THEMIS: variants seen among roughly 807,000 people sequenced by gnomAD.
The protein encoded by THEMIS is thymocyte selection associated, also known as protein THEMIS.
Under a neutral mutation model 52.6 loss-of-function variants are expected in THEMIS, and 37 were observed. The observed-to-expected ratio is 0.70, with a 90% CI of 0.54 to 0.93. The LOEUF is 0.93. Among genes scored for constraint, THEMIS ranks in the 40% least tolerant of loss-of-function variants. The pLI is 0.00. For synonymous variants in THEMIS, 292 were observed against 272.7 expected (o/e 1.07, Z -0.70); for missense variants, 808 against 763.1 (o/e 1.06, Z -0.69).
intron 1 of THEMIS, among the ~76,000 whole-genome samples, chr6:127,882,008 A>C (rs1583391424): frequency 6.6e-6 from 1 of 151,770 alleles, no homozygotes. Flanking sequence ...AAAAAAAAAA[A>C]AAAAATGGTC....
At chr6:127,812,451 C>T (rs1333767) in intron 4 of THEMIS, among the ~76,000 whole-genome samples, 79,307 of 151,944 alleles carry the variant, frequency 0.52, 21,694 homozygotes, top group East Asian at 0.93. Flanking sequence ...GCTATAGATG[C>T]ATGCTACCAG....
intron 1 of THEMIS, among the ~76,000 whole-genome samples, chr6:127,892,262 C>T (rs1780835309): frequency 6.6e-6 from 1 of 152,186 alleles, no homozygotes; most frequent in Non-Finnish European, 1.5e-5. Flanking sequence ...CAGTAGTTTG[C>T]ACTTGTTCTG....
At chr6:127,874,118 T>C (rs1046543813) in intron 1 of THEMIS, among the ~76,000 whole-genome samples, 21 of 152,242 alleles carry the variant, frequency 1.4e-4, no homozygotes, top group Admixed American at 1.4e-3. Context: ...TACACGAGAA[T>C]GAGCTCACTT....
At chr6:127,758,256 T>C (rs984449139) in intron 4 of THEMIS, among the ~76,000 whole-genome samples, 3 of 150,818 alleles carry the variant, frequency 2.0e-5, no homozygotes, top group Admixed American at 6.6e-5. Context: ...AATTGGGTTC[T>C]GAACTTCCTA....
intron 1 of THEMIS, among the ~76,000 whole-genome samples, chr6:127,914,696 G>A (rs55901601): frequency 6.6e-6 from 1 of 152,136 alleles, no homozygotes; most frequent in Non-Finnish European, 1.5e-5. Flanking sequence ...GTAGTCCATC[G>A]TTGACCAAAC....
chr6:127,860,596 G>A (rs1779767058), intron 1 of THEMIS, among the ~76,000 whole-genome samples: 2 of 152,064 alleles, frequency 1.3e-5, no homozygotes, highest in South Asian at 4.1e-4. Context: ...AAATGTTGGT[G>A]AGTCTTACTT....
At chr6:127,699,309 A>G in the THEMIS span, among the ~76,000 whole-genome samples, 2 of 151,538 alleles carry the variant, frequency 1.3e-5, no homozygotes, top group African/African-American at 4.8e-5. Flanking sequence ...TGTGGTTTCT[A>G]TGTTTGTATA....
chr6:127,803,651 T>C (rs1777609231), intron 4 of THEMIS, among the ~76,000 whole-genome samples: 1 of 152,220 alleles, frequency 6.6e-6, no homozygotes, highest in African/African-American at 2.4e-5. Flanking sequence ...GAATTGTTAC[T>C]AAAGAGTTTT....
chr6:127,859,122 G>C (rs1310690451), intron 1 of THEMIS, among the ~76,000 whole-genome samples: 1 of 151,928 alleles, frequency 6.6e-6, no homozygotes, highest in Non-Finnish European at 1.5e-5. Context: ...AACTGCATTG[G>C]ATGTTTCTCC....
chr6:127,897,717 A>G (rs1442379103), intron 1 of THEMIS, among the ~76,000 whole-genome samples: 1 of 151,464 alleles, frequency 6.6e-6, no homozygotes, highest in Non-Finnish European at 1.5e-5. Flanking sequence ...TACTTAAGAA[A>G]CTTGCTTTTC....
At chr6:127,902,317 T>A (rs1314964154), upstream of THEMIS, among the ~76,000 whole-genome samples, 1 of 119,142 alleles carries the variant, frequency 8.4e-6, no homozygotes, top group African/African-American at 3.2e-5. Context: ...ACAGCAAGAC[T>A]CTGTCTCAAA....
At chr6:127,869,451 A>G (rs1780088709) in intron 1 of THEMIS, among the ~76,000 whole-genome samples, 1 of 152,198 alleles carries the variant, frequency 6.6e-6, no homozygotes, top group African/African-American at 2.4e-5. Flanking sequence ...AGAGTATCAC[A>G]CTACATATTG....
At chr6:127,738,975 C>G (rs1467438291) in intron 4 of THEMIS, among the ~76,000 whole-genome samples, 1 of 152,062 alleles carries the variant, frequency 6.6e-6, no homozygotes, top group Non-Finnish European at 1.5e-5. Context: ...TATATATATT[C>G]TTTAAAAGTT....
At chr6:127,806,566 C>T (rs1777715499) in intron 4 of THEMIS, among the ~76,000 whole-genome samples, 1 of 152,134 alleles carries the variant, frequency 6.6e-6, no homozygotes, top group African/African-American at 2.4e-5. Context: ...GTTCTTTAGC[C>T]ATAAATTATC....
At chr6:127,747,562 T>C (rs974809904) in intron 4 of THEMIS, among the ~76,000 whole-genome samples, 4 of 151,640 alleles carry the variant, frequency 2.6e-5, no homozygotes, top group Admixed American at 6.6e-5. Context: ...TCATCAAAAT[T>C]GTTAAGGTAA....
chr6:127,735,208 C>T (rs1160489224), intron 4 of THEMIS, among the ~76,000 whole-genome samples: 1 of 151,928 alleles, frequency 6.6e-6, no homozygotes, highest in Non-Finnish European at 1.5e-5. Context: ...AGGTGGCAAT[C>T]TAACAACAAG....
At chr6:127,804,958 A>G (rs976860331) in intron 4 of THEMIS, among the ~76,000 whole-genome samples, 13 of 152,132 alleles carry the variant, frequency 8.5e-5, no homozygotes, top group Non-Finnish European at 1.3e-4. Context: ...ACTAAAAAAA[A>G]CAAATATTTA....
intron 5 of THEMIS, among the ~76,000 whole-genome samples, chr6:127,712,196 G>A (rs940167987): frequency 5.9e-5 from 9 of 151,912 alleles, no homozygotes; most frequent in African/African-American, 2.2e-4. Flanking sequence ...GCAGAAAAAT[G>A]GGAGTTGAGG....
In THEMIS at chr6:127,813,984, T is replaced by C. The variant is rs1778039962; in HGVS notation, c.710-53A>G. On this transcript the variant is annotated intron_variant, in intron 3 of 5. Coordinates refer to ENST00000368248, the MANE Select transcript of THEMIS (RefSeq NM_001010923.3). ...TATTTTTGTACTTCAAAACGTTTGC[T>C]GTGAGATACTCTCCTGATGCCATAA... The C allele has an allele frequency of 4.3e-6, 6 of 1,400,068 alleles. No individual in the cohort carries two copies. The African/African-American group carries it at 4.3e-5, about 10-fold the overall frequency. 86.7% of individuals were successfully genotyped at this position (1,400,068 alleles called of 1,614,324 possible). A position where few individuals can be genotyped will look rare whatever the true frequency, so the allele number is the denominator to read the frequency against.
Sources: allele counts gnomAD v4.1 joint callset (sites outside exome capture counted in the v4.1 genomes callset), GRCh38; gene constraint gnomAD v4.1.1; transcripts MANE v1.5; gene names NCBI Gene and HGNC (gene_info 2026-07-23, HGNC 2026-07-21).